The following RBIS variants were observed in gnomAD, a reference collection of about 807,000 sequenced individuals.
RBIS encodes the protein ribosomal biogenesis factor.
RBIS carries 9 observed loss-of-function variants against 9.8 expected under a neutral mutation model. The observed-to-expected ratio is 0.92, with a 90% CI of 0.56 to 1.61. The LOEUF is 1.61. Among genes scored for constraint, RBIS ranks in the 40% most tolerant of loss-of-function variants. The pLI, the probability that RBIS is intolerant of heterozygous loss-of-function variation, is 0.00. For synonymous variants in RBIS, 35 were observed against 37.9 expected (o/e 0.92, Z 0.28); for missense variants, 103 against 116.0 (o/e 0.89, Z 0.51).
chr8:85,217,581 T>A (rs1813203384), intron 1 of RBIS, 79 bp from the exon 2 acceptor site: 1 of 886,996 alleles, frequency 1.1e-6, no homozygotes, highest in East Asian at 2.4e-5. Context: ...AAGGTACCAA[T>A]TAAATCTAAA....
chr8:85,218,374 AT>A (rs1813228548), intron 1 of RBIS, among the ~76,000 whole-genome samples: 1 of 152,058 alleles, frequency 6.6e-6, no homozygotes, highest in Non-Finnish European at 1.5e-5. Context: ...GGCAGACTAG[AT>A]CAGAGCTAAC....
At chr8:85,218,947 T>C (rs1240005600) in intron 1 of RBIS, 4 of 152,262 alleles carry the variant, frequency 2.6e-5, no homozygotes, top group Non-Finnish European at 2.9e-5. Flanking sequence ...GTCCAAAATA[T>C]TTAGTGTCCG....
chr8:85,216,366 A>G (rs1587510616), intron 2 of RBIS: 1 of 151,898 alleles, frequency 6.6e-6, no homozygotes. Context: ...CTCCTTCAAA[A>G]CCCTTACCTC....
At position 85,214,967 on chromosome 8, in the gene RBIS, G is replaced by A; in HGVS notation, c.185C>T (p.Ala62Val). 6.3e-7 allele frequency: 1 copy of A among 1,593,180 alleles called. No individual in the cohort carries two copies. Among genetic ancestry groups the A allele is most frequent in the Non-Finnish European group, 8.6e-7 (1 of 1,167,532 alleles). Residue 62 changes from alanine (A) to valine (V), a missense_variant, in exon 3 of 4, where the codon GCA becomes GTA. Ala to Val is a moderately conservative substitution (Grantham distance 64, BLOSUM62 0). Transcript: ENST00000619594. ...KAFVNVQKEL[A>V]HFAKSISLEP... ...AAGTGAAATGCTTTTTGCGAAATGT[G>A]CAAGTTCCTTTTGTACATTTACAAA...
intron 1 of RBIS, among the ~76,000 whole-genome samples, chr8:85,218,255 T>G (rs1813225002): frequency 6.6e-6 from 1 of 152,158 alleles, no homozygotes; most frequent in Non-Finnish European, 1.5e-5. Context: ...TTGTAAGAAG[T>G]ACTATTATCC....
chr8:85,214,496 A>C lies in RBIS; in HGVS notation c.*64T>G. The C allele has an allele frequency of 1.7e-6, 2 of 1,144,838 alleles. No individual in the cohort carries two copies. Among genetic ancestry groups the C allele is most frequent in the Non-Finnish European group, 1.3e-6 (1 of 770,040 alleles). The allele number at this position is 1,144,838 out of a possible 1,614,324, so 70.9% of individuals were successfully genotyped here. A position where few individuals can be genotyped will look rare whatever the true frequency, so the allele number is the denominator to read the frequency against. On this transcript the variant is annotated 3_prime_UTR_variant, in exon 4 of 4. Coordinates refer to ENST00000619594, the MANE Select transcript of RBIS (RefSeq NM_001099673.3). ...CTGTACATTAACAAGATTTTTAAAA[A>C]TAAAATTGTATAAAACATTCAATTT...
intron 3 of RBIS, 42 bp from the exon 4 acceptor site, chr8:85,214,673 T>C: frequency 8.2e-7 from 1 of 1,214,712 alleles, no homozygotes; most frequent in South Asian, 1.2e-5. Context: ...CAGACAACAA[T>C]AGCAGACAAA....
intron 1 of RBIS, chr8:85,219,406 G>C (rs149110219): frequency 6.6e-6 from 1 of 152,244 alleles, no homozygotes; most frequent in Non-Finnish European, 1.5e-5. Context: ...TATTACAGAA[G>C]ATGCAAAAAA....
chr8:85,214,485 G>C lies in RBIS; in HGVS notation c.*75C>G. On this transcript the variant is annotated 3_prime_UTR_variant, in exon 4 of 4. Transcript: ENST00000619594. ...TGTGCCAATGCCTGTACATTAACAA[G>C]ATTTTTAAAAATAAAATTGTATAAA... 9.4e-7 allele frequency: 1 copy of C among 1,069,412 alleles called. No individual in the cohort carries two copies. Among genetic ancestry groups the C allele is most frequent in the South Asian group, 1.4e-5 (1 of 74,020 alleles). The allele number at this position is 1,069,412 out of a possible 1,614,324, so 66.2% of individuals were successfully genotyped here.
At position 85,214,504 on chromosome 8, in the gene RBIS, G is replaced by T; in HGVS notation, c.*56C>A. ...TAACAAGATTTTTAAAAATAAAATT[G>T]TATAAAACATTCAATTTATTGGTCT... On this transcript the variant is annotated 3_prime_UTR_variant, in exon 4 of 4. Coordinates refer to ENST00000619594, the MANE Select transcript of RBIS (RefSeq NM_001099673.3). 8.5e-7 allele frequency: 1 copy of T among 1,179,818 alleles called. No homozygotes were observed. The highest frequency in any genetic ancestry group is 1.3e-6 in the Non-Finnish European group (1 of 798,388). 73.1% of individuals were successfully genotyped at this position (1,179,818 alleles called of 1,614,324 possible). A position where few individuals can be genotyped will look rare whatever the true frequency, so the allele number is the denominator to read the frequency against.
chr8:85,214,850 G>A (rs1297300299), intron 3 of RBIS, 71 bp downstream of exon 3: 2 of 891,140 alleles, frequency 2.2e-6, no homozygotes, highest in Non-Finnish European at 1.8e-6. Flanking sequence ...TACAGGCTTT[G>A]AAAACTTGGG....
chr8:85,217,656 C>T, intron 1 of RBIS, 154 bp from the exon 2 acceptor site: 3 of 609,496 alleles, frequency 4.9e-6, no homozygotes, highest in East Asian at 5.5e-5. Flanking sequence ...GTCTTTCACT[C>T]CTAGTAGATT....
At chr8:85,215,138 C>G in intron 2 of RBIS, 101 bp from the exon 3 acceptor site, 1 of 487,796 alleles carries the variant, frequency 2.1e-6, no homozygotes, top group Non-Finnish European at 3.6e-6. Context: ...AAAACTCTTA[C>G]CAACAAATTA....
chr8:85,216,416 A>C (rs2129814783), intron 2 of RBIS: 1 of 152,290 alleles, frequency 6.6e-6, no homozygotes, highest in African/African-American at 2.4e-5. Context: ...TCTCTCTCTT[A>C]GATCCTACCT....
chr8:85,219,835 G>A (rs1587514999), intron 1 of RBIS, among the ~76,000 whole-genome samples: 1 of 152,096 alleles, frequency 6.6e-6, no homozygotes, highest in African/African-American at 2.4e-5. Flanking sequence ...ACGTGTGGTA[G>A]AGAACCTATA....
chr8:85,217,530 T>C (rs758951732), intron 1 of RBIS, 28 bp from the exon 2 acceptor site: 1 of 1,393,736 alleles, frequency 7.2e-7, no homozygotes, highest in Non-Finnish European at 1.0e-6. Context: ...TTCAATTAAA[T>C]TGCCCACATT....
At position 85,214,336 on chromosome 8, in the gene RBIS, A is replaced by G. The variant is rs1238338503; in HGVS notation, c.*224T>C. On this transcript the variant is annotated 3_prime_UTR_variant, in exon 4 of 4. Transcript: ENST00000619594. ...GTAAACGAGGATATATAACTGTTTC[A>G]GTGAACAGATTTTGTGAAGTGCCTT... 1.7e-6 allele frequency: 1 copy of G among 592,930 alleles called. No individual in the cohort carries two copies. The highest frequency in any genetic ancestry group is 3.0e-6 in the Non-Finnish European group (1 of 333,456). 36.7% of individuals were successfully genotyped at this position (592,930 alleles called of 1,614,324 possible). A position where few individuals can be genotyped will look rare whatever the true frequency, so the allele number is the denominator to read the frequency against.
At chr8:85,217,580 A>G (rs896751857) in intron 1 of RBIS, 78 bp from the exon 2 acceptor site, 1 of 885,222 alleles carries the variant, frequency 1.1e-6, no homozygotes, top group East Asian at 2.4e-5. Context: ...AAAGGTACCA[A>G]TTAAATCTAA....
intron 2 of RBIS, chr8:85,217,124 T>C (rs1813182330): frequency 1.7e-6 from 1 of 596,636 alleles, no homozygotes; most frequent in Non-Finnish European, 2.9e-6. Flanking sequence ...ATGAGTTCTA[T>C]GGTTCAGTAA....
Sources: allele counts gnomAD v4.1 joint callset (sites outside exome capture counted in the v4.1 genomes callset), GRCh38; gene constraint gnomAD v4.1.1; transcripts MANE v1.5; gene names NCBI Gene and HGNC (gene_info 2026-07-23, HGNC 2026-07-21).